Variants in TCF7L2 observed in about 807,000 individuals in gnomAD.
TCF7L2 encodes transcription factor 7 like 2, also known as transcription factor 7-like 2.
In TCF7L2, 23 loss-of-function variants were observed where a neutral mutation model predicts 77.9. That is an observed-to-expected ratio of 0.30 (90% confidence interval 0.21 to 0.42). The LOEUF (loss-of-function observed/expected upper bound fraction) is 0.42. Ranked by LOEUF, TCF7L2 falls within the 10% of genes least tolerant of loss-of-function variation. The probability of loss-of-function intolerance (pLI) is 1.00; values close to 1 mark genes in which losing one functional copy is unlikely to be tolerated. For synonymous variants in TCF7L2, 413 were observed against 340.2 expected (o/e 1.21, Z -2.36); for missense variants, 654 against 793.1 (o/e 0.82, Z 2.11).
chr10:113,084,908 C>T (rs371044405), intron 5 of TCF7L2, among the ~76,000 whole-genome samples: 10 of 149,964 alleles, frequency 6.7e-5, no homozygotes, highest in Admixed American at 2.6e-4. Context: ...GCCACCCCCC[C>T]CCAAAAAAAA....
intron 5 of TCF7L2, among the ~76,000 whole-genome samples, chr10:113,067,182 AATG>A (rs1347871051): frequency 6.6e-6 from 1 of 152,230 alleles, no homozygotes; most frequent in African/African-American, 2.4e-5. Flanking sequence ...TGAATTGGAC[AATG>A]ATATATACTT....
chr10:113,157,998 C>T (rs773383761), intron 11 of TCF7L2, 23 bp from the exon 12 acceptor site: 22 of 1,573,444 alleles, frequency 1.4e-5, no homozygotes, highest in Non-Finnish European at 1.9e-5. Context: ...CAGTAATTCC[C>T]TGTGTTTCAT....
intron 5 of TCF7L2, among the ~76,000 whole-genome samples, chr10:113,044,588 G>A (rs913008426): frequency 6.6e-6 from 1 of 152,226 alleles, no homozygotes. Context: ...AAGAGTAGGG[G>A]GCCCATGAGG....
At chr10:113,125,000 T>C (rs2065351353) in intron 5 of TCF7L2, among the ~76,000 whole-genome samples, 1 of 152,090 alleles carries the variant, frequency 6.6e-6, no homozygotes, top group Non-Finnish European at 1.5e-5. Flanking sequence ...TAAAGGAAAC[T>C]TAAGAGTTTC....
At chr10:113,117,426 TCTC>T (rs2063957687) in intron 5 of TCF7L2, among the ~76,000 whole-genome samples, 3 of 35,988 alleles carry the variant, frequency 8.3e-5, no homozygotes, top group African/African-American at 1.3e-4. Flanking sequence ...TCTCTCTCTC[TCTC>T]TCTCCCTCTC....
chr10:113,070,636 A>G (rs1186416603), intron 5 of TCF7L2, among the ~76,000 whole-genome samples: 1 of 152,186 alleles, frequency 6.6e-6, no homozygotes, highest in Non-Finnish European at 1.5e-5. Flanking sequence ...AAGGTACTGA[A>G]GTCTCAAGCA....
intron 4 of TCF7L2, among the ~76,000 whole-genome samples, chr10:112,973,023 T>A (rs2038619211): frequency 6.6e-6 from 1 of 152,186 alleles, no homozygotes; most frequent in Non-Finnish European, 1.5e-5. Context: ...CAGCAGTGGC[T>A]ACCAACCAGC....
chr10:112,967,149 C>G (rs1342488697), intron 4 of TCF7L2, among the ~76,000 whole-genome samples: 1 of 152,234 alleles, frequency 6.6e-6, no homozygotes, highest in Admixed American at 6.5e-5. Flanking sequence ...TCTTTTCGCT[C>G]TGGATGTGGC....
intron 4 of TCF7L2, among the ~76,000 whole-genome samples, chr10:112,981,940 C>T (rs553679057): frequency 1.3e-5 from 2 of 152,336 alleles, no homozygotes; most frequent in East Asian, 3.9e-4. Flanking sequence ...ATTGAGACTG[C>T]TGTGGCTTCA....
intron 5 of TCF7L2, among the ~76,000 whole-genome samples, chr10:113,128,429 TC>T (rs2066019790): frequency 6.6e-6 from 1 of 152,096 alleles, no homozygotes; most frequent in African/African-American, 2.4e-5. Flanking sequence ...AAGACCTACA[TC>T]GTGAAAACAG....
intron 5 of TCF7L2, chr10:113,127,071 A>G (rs571698371): frequency 4.2e-5 from 12 of 285,508 alleles, no homozygotes; most frequent in African/African-American, 2.7e-4. Flanking sequence ...GCCGGGGTGG[A>G]TGCAGTAGAT....
intron 5 of TCF7L2, among the ~76,000 whole-genome samples, chr10:113,073,162 G>C (rs2058277071): frequency 1.3e-5 from 2 of 151,044 alleles, no homozygotes; most frequent in African/African-American, 4.9e-5. Context: ...CAGAGAGAGA[G>C]ATAGAGAGAA....
At chr10:113,060,617 G>C (rs1441800489) in intron 5 of TCF7L2, among the ~76,000 whole-genome samples, 1 of 152,020 alleles carries the variant, frequency 6.6e-6, no homozygotes, top group Non-Finnish European at 1.5e-5. Flanking sequence ...TGTCAGTCAG[G>C]AAGTCACTTC....
At chr10:113,046,756 T>C (rs2053535965) in intron 5 of TCF7L2, among the ~76,000 whole-genome samples, 1 of 152,184 alleles carries the variant, frequency 6.6e-6, no homozygotes, top group South Asian at 2.1e-4. Flanking sequence ...AAAGTTTATG[T>C]TCATTGTAGG....
chr10:113,152,776 G>A (rs886895073), intron 11 of TCF7L2, among the ~76,000 whole-genome samples: 2 of 152,186 alleles, frequency 1.3e-5, no homozygotes, highest in African/African-American at 4.8e-5. Context: ...CTTATGTTCC[G>A]GATTAGGTTC....
At chr10:112,997,030 T>C (rs190543124) in intron 4 of TCF7L2, among the ~76,000 whole-genome samples, 66 of 152,346 alleles carry the variant, frequency 4.3e-4, no homozygotes, top group Admixed American at 1.0e-3. Context: ...GAATTAACAA[T>C]GTTCCTGCCC....
At chr10:113,034,625 A>G (rs1019563089) in intron 4 of TCF7L2, among the ~76,000 whole-genome samples, 5 of 152,146 alleles carry the variant, frequency 3.3e-5, no homozygotes, top group African/African-American at 7.2e-5. Flanking sequence ...TTGGTCAGAC[A>G]TGGCTCCCAC....
chr10:113,078,774 C>T (rs900675131), intron 5 of TCF7L2, among the ~76,000 whole-genome samples: 4 of 152,020 alleles, frequency 2.6e-5, no homozygotes, highest in African/African-American at 9.7e-5. Context: ...TTCATTTTCA[C>T]GCTGGTGGTA....
chr10:113,142,018 G>GT (rs2008556692), intron 6 of TCF7L2, among the ~76,000 whole-genome samples: 1 of 152,156 alleles, frequency 6.6e-6, no homozygotes, highest in Non-Finnish European at 1.5e-5. Flanking sequence ...TGTTGTTGTT[G>GT]TTTTTAAACA....
Sources: allele counts gnomAD v4.1 joint callset (sites outside exome capture counted in the v4.1 genomes callset), GRCh38; gene constraint gnomAD v4.1.1; transcripts MANE v1.5; gene names NCBI Gene and HGNC (gene_info 2026-07-23, HGNC 2026-07-21).